Variants in CLIP4 observed in about 807,000 individuals in gnomAD.
CLIP4 encodes the protein CAP-Gly domain-containing linker protein 4.
CLIP4 carries 47 observed loss-of-function variants against 73.1 expected under a neutral mutation model. That is an observed-to-expected ratio of 0.64 (90% CI 0.51 to 0.82). The LOEUF (loss-of-function observed/expected upper bound fraction) is 0.82. CLIP4 is among the 40% of genes least tolerant of loss of function. The pLI, the probability that CLIP4 is intolerant of heterozygous loss-of-function variation, is 0.00. For missense variants in CLIP4, 874 were observed against 852.9 expected, an observed-to-expected ratio of 1.02 and a Z score of -0.31; for synonymous variants, 306 against 295.4, an observed-to-expected ratio of 1.04 and a Z score of -0.37.
chr2:29,175,887 A>G (rs550419985), intron 15 of CLIP4, among the ~76,000 whole-genome samples: 3 of 151,798 alleles, frequency 2.0e-5, no homozygotes, highest in East Asian at 1.9e-4. Context: ...TCAGCCTCCC[A>G]AGCAGCTGGG....
chr2:29,140,659 A>T (rs1665700154), intron 6 of CLIP4, among the ~76,000 whole-genome samples: 1 of 152,194 alleles, frequency 6.6e-6, no homozygotes, highest in Middle Eastern at 3.4e-3. Flanking sequence ...CGCCACACTG[A>T]CTTCCACAAT....
At chr2:29,163,298 G>GA (rs1214181487) in intron 12 of CLIP4, among the ~76,000 whole-genome samples, 4 of 151,788 alleles carry the variant, frequency 2.6e-5, no homozygotes, top group East Asian at 3.9e-4. Flanking sequence ...ACCTTGGGTG[G>GA]AAAAAAGAAA....
At chr2:29,174,316 T>G in intron 14 of CLIP4, 57 bp from the exon 15 acceptor site, 1 of 1,333,848 alleles carries the variant, frequency 7.5e-7, no homozygotes, top group Non-Finnish European at 1.0e-6. Flanking sequence ...AATATCATTT[T>G]AAATAAGGAC....
upstream of CLIP4, among the ~76,000 whole-genome samples, chr2:29,110,627 A>G (rs1248439756): frequency 6.6e-6 from 1 of 152,172 alleles, no homozygotes; most frequent in Non-Finnish European, 1.5e-5. Context: ...TTGGATATAC[A>G]TCTGAGGTTC....
At chr2:29,125,885 A>T (rs1475442090) in intron 2 of CLIP4, among the ~76,000 whole-genome samples, 1 of 152,102 alleles carries the variant, frequency 6.6e-6, no homozygotes, top group African/African-American at 2.4e-5. Flanking sequence ...ATTAAAAGCT[A>T]TTTTTTAGGC....
intron 6 of CLIP4, among the ~76,000 whole-genome samples, chr2:29,138,947 A>G (rs1042007242): frequency 6.6e-6 from 1 of 152,160 alleles, no homozygotes; most frequent in Non-Finnish European, 1.5e-5. Flanking sequence ...TTGTTGGTGA[A>G]GAGAGGTAAT....
At chr2:29,132,390 C>A in intron 4 of CLIP4, 145 bp downstream of exon 4, 1 of 664,576 alleles carries the variant, frequency 1.5e-6, no homozygotes, top group Admixed American at 2.8e-5. Flanking sequence ...TCAGTTAGGT[C>A]CTTCCAAAAA....
intron 4 of CLIP4, 112 bp downstream of exon 4, chr2:29,132,357 A>G: frequency 1.2e-6 from 1 of 825,020 alleles, no homozygotes; most frequent in South Asian, 1.6e-5. Flanking sequence ...GATGATGATA[A>G]TATTGCCTGA....
intron 15 of CLIP4, among the ~76,000 whole-genome samples, chr2:29,177,742 T>C (rs1668427741): frequency 6.6e-6 from 1 of 152,256 alleles, no homozygotes; most frequent in Non-Finnish European, 1.5e-5. Context: ...GATTCTGTAC[T>C]GTATACAGTC....
At chr2:29,111,903 C>T (rs2148442932), upstream of CLIP4, among the ~76,000 whole-genome samples, 1 of 152,304 alleles carries the variant, frequency 6.6e-6, no homozygotes. Flanking sequence ...TCTTTTGTAT[C>T]ATATGTAGGT....
intron 2 of CLIP4, chr2:29,130,703 C>A: frequency 8.5e-7 from 1 of 1,179,740 alleles, no homozygotes; most frequent in Non-Finnish European, 1.1e-6. Flanking sequence ...TGGACTGCTG[C>A]TCTGCTTGTA....
At chr2:29,150,766 C>T (rs3100233) in intron 8 of CLIP4, among the ~76,000 whole-genome samples, 16 of 150,142 alleles carry the variant, frequency 1.1e-4, no homozygotes, top group African/African-American at 2.2e-4. Flanking sequence ...ATTACAGGCA[C>T]GCACCACCGT....
intron 6 of CLIP4, among the ~76,000 whole-genome samples, chr2:29,140,446 G>A (rs9752043): frequency 0.19 from 28,611 of 151,670 alleles, 2,946 homozygotes; most frequent in Middle Eastern, 0.29. Context: ...TCCATGGTGT[G>A]TATGTGCCAC....
intron 2 of CLIP4, among the ~76,000 whole-genome samples, chr2:29,129,667 A>G (rs1402527080): frequency 6.6e-6 from 1 of 151,954 alleles, no homozygotes; most frequent in Non-Finnish European, 1.5e-5. Context: ...GGATGCTTTT[A>G]GAGAAGCTAT....
intron 8 of CLIP4, among the ~76,000 whole-genome samples, chr2:29,147,259 T>A (rs1273978067): frequency 6.6e-6 from 1 of 152,148 alleles, no homozygotes; most frequent in African/African-American, 2.4e-5. Context: ...TTTTTATGTT[T>A]CTTGGCAATT....
intron 7 of CLIP4, among the ~76,000 whole-genome samples, chr2:29,144,804 T>TTTC (rs1240597989): frequency 1.4e-5 from 2 of 141,490 alleles, no homozygotes; most frequent in Admixed American, 7.0e-5. Flanking sequence ...ATCCCTTTTT[T>TTTC]TTTTTTTTTT....
rs1460564495 is a variant in CLIP4 at position 29,143,863 on chromosome 2, A to G, written c.803A>G (p.Asn268Ser). Residue 268 changes from asparagine to serine, a missense_variant, in exon 7 of 16, where the codon AAT becomes AGT. Physicochemically the swap from Asn to Ser is conservative, Grantham distance 46. Transcript: ENST00000320081. ...AACATCTCAAAGGCCATGCTCCCAAATTATGATCATGTCACTGGCAAGGCA... is the reference window on the plus strand; with the variant it reads ...AACATCTCAAAGGCCATGCTCCCAAGTTATGATCATGTCACTGGCAAGGCA... ...SCNISKAMLP[N>S]YDHVTGKAML... 1.2e-6 allele frequency: 2 copies of G among 1,614,168 alleles called. No individual in the cohort carries two copies.
chr2:29,163,990 T>A, intron 13 of CLIP4, 36 bp downstream of exon 13: 1 of 1,587,820 alleles, frequency 6.3e-7, no homozygotes, highest in Non-Finnish European at 8.6e-7. Context: ...TTACAGAAAC[T>A]TTTTGTAATC....
chr2:29,149,872 T>A (rs1437399222), intron 8 of CLIP4, among the ~76,000 whole-genome samples: 4 of 152,196 alleles, frequency 2.6e-5, no homozygotes, highest in Non-Finnish European at 5.9e-5. Context: ...GATTTTTTTG[T>A]TAGAAAATAT....
Sources: gnomAD v4.1 joint callset for allele counts (sites outside exome capture counted in the v4.1 genomes callset) on GRCh38, gnomAD v4.1.1 for gene constraint, MANE v1.5 for transcripts, NCBI Gene and HGNC (gene_info 2026-07-23, HGNC 2026-07-21) for gene names.